CDK13: variants seen among roughly 807,000 people sequenced by gnomAD.
CDK13 encodes cyclin-dependent kinase 13.
A neutral mutation model predicts 137.6 loss-of-function variants in CDK13; 40 were observed. The observed-to-expected ratio is 0.29, with a 90% CI of 0.23 to 0.38. CDK13 has a LOEUF of 0.38. Among genes scored for constraint, CDK13 ranks in the 10% least tolerant of loss-of-function variants. The pLI is 1.00. For synonymous variants in CDK13, 869 were observed against 760.1 expected (o/e 1.14, Z -2.36); for missense variants, 1,704 against 1,951.8 (o/e 0.87, Z 2.39).
intron 9 of CDK13, among the ~76,000 whole-genome samples, chr7:40,076,987 CAGTT>C (rs1562762520): frequency 1.3e-5 from 2 of 150,284 alleles, no homozygotes; most frequent in African/African-American, 4.9e-5. Flanking sequence ...ATTACTAAAT[CAGTT>C]AGTTTTTAAA....
intron 7 of CDK13, among the ~76,000 whole-genome samples, chr7:40,059,460 A>G (rs1786093020): frequency 6.6e-6 from 1 of 152,202 alleles, no homozygotes; most frequent in South Asian, 2.1e-4. Context: ...CCAGGGTTTA[A>G]GCAATTCTCT....
chr7:40,008,376 A>G (rs548817367), intron 5 of CDK13, among the ~76,000 whole-genome samples: 1 of 152,342 alleles, frequency 6.6e-6, no homozygotes, highest in African/African-American at 2.4e-5. Flanking sequence ...AATAATGTCC[A>G]TCTAAATACT....
intron 7 of CDK13, among the ~76,000 whole-genome samples, chr7:40,056,423 G>T (rs1786021392): frequency 6.6e-6 from 1 of 151,978 alleles, no homozygotes. Context: ...TCTCTCCCTG[G>T]CTTTATCCCC....
rs1784593411 is a variant in CDK13, at chr7:39,997,647, T to C, written c.2025T>C (p.His675=). ...PEEKKTATQL[H]SKRRPKICGP... ...AAAAGAAAACAGCAACACAGTTACA[T>C]AGTAAAAGGAGGCCTAAGTATGTGC... Residue 675 remains histidine, a synonymous_variant, in exon 3 of 14, where the codon CAT becomes CAC. Transcript: ENST00000181839. 5 of 1,613,272 alleles carry C rather than the reference T, an allele frequency of 3.1e-6. No homozygotes were observed. Among genetic ancestry groups the C allele is most frequent in the South Asian group, 1.1e-5 (1 of 90,904 alleles).
intron 1 of CDK13, among the ~76,000 whole-genome samples, chr7:39,974,863 C>T (rs1053483068): frequency 2.6e-5 from 4 of 152,134 alleles, no homozygotes; most frequent in African/African-American, 9.7e-5. Flanking sequence ...AGTGCCCAGC[C>T]GGAATTCCTT....
At chr7:40,038,173 T>A (rs1403840320) in intron 5 of CDK13, among the ~76,000 whole-genome samples, 2 of 152,190 alleles carry the variant, frequency 1.3e-5, no homozygotes, top group Non-Finnish European at 2.9e-5. Flanking sequence ...CTCCAATGTT[T>A]CTTTTGTACA....
chr7:39,999,378 A>G lies in CDK13; in HGVS notation c.2060A>G (p.Tyr687Cys). ...KRRPKICGPR[Y>C]GETKEKDIDW... ...TTTGATAGAATATGTGGGCCTCGCT[A>G]TGGTGAAACCAAAGAAAAAGATATT... is the stretch of plus-strand genomic sequence containing the variant. Residue 687 changes from tyrosine to cysteine, a missense_variant, in exon 4 of 14, where the codon TAT becomes TGT. Around this residue, in one of 5 missense-constraint regions of CDK13, gnomAD observed 130 missense variants for 362.4 expected, o/e 0.36. Coordinates refer to ENST00000181839, the MANE Select transcript of CDK13 (RefSeq NM_003718.5). 3 of 1,611,466 alleles carry G rather than the reference A, an allele frequency of 1.9e-6. No homozygotes were observed. Among genetic ancestry groups the G allele is most frequent in the Non-Finnish European group, 2.5e-6 (3 of 1,178,890 alleles).
intron 5 of CDK13, among the ~76,000 whole-genome samples, chr7:40,020,479 C>T (rs1289597046): frequency 6.6e-6 from 1 of 152,168 alleles, no homozygotes; most frequent in Non-Finnish European, 1.5e-5. Flanking sequence ...CTCTTCCTTT[C>T]CCTCCTGCTG....
At chr7:40,092,723 G>A (rs1249620143) in intron 12 of CDK13, 62 bp from the exon 13 acceptor site, 1 of 1,184,222 alleles carries the variant, frequency 8.4e-7, no homozygotes, top group South Asian at 1.3e-5. Flanking sequence ...GAGCCATTTT[G>A]GTGTGGGAGT....
intron 3 of CDK13, chr7:39,998,005 A>T (rs1169428122): frequency 1.1e-5 from 2 of 180,592 alleles, no homozygotes; most frequent in East Asian, 3.4e-4. Flanking sequence ...GACCAAATAA[A>T]ATTAGTAATG....
intron 5 of CDK13, among the ~76,000 whole-genome samples, chr7:40,016,882 G>T (rs1212696312): frequency 6.6e-6 from 1 of 151,726 alleles, no homozygotes. Flanking sequence ...AATTATATTT[G>T]GTTTAGTTAA....
chr7:40,063,003 A>G lies in CDK13; in HGVS notation c.2703-20A>G, dbSNP rs1786188930. On this transcript the variant is annotated intron_variant, in intron 8 of 13. Transcript: ENST00000181839. The stretch of plus-strand genomic sequence containing the variant: ...AATTAAAATAGATCATTTGGTAATG[A>G]CGGGTATTTTTTCCATTAGCTGTAT... The G allele has an allele frequency of 6.2e-7, 1 of 1,610,998 alleles. No individual in the cohort carries two copies. The highest frequency in any genetic ancestry group is 8.5e-7 in the Non-Finnish European group (1 of 1,177,222).
Position 39,950,489 on chromosome 7 carries a change from A to C in CDK13, c.-153A>C. On this transcript the variant is annotated 5_prime_UTR_variant, in exon 1 of 14. Transcript: ENST00000181839. ...CTGTGACCTGGAACCCAGGGACCCGAGTCCCGACCCGGATTATCGTGGCGC... is the reference window on the plus strand; with the variant it reads ...CTGTGACCTGGAACCCAGGGACCCGCGTCCCGACCCGGATTATCGTGGCGC... 1 of 1,260,376 alleles carries C rather than the reference A, an allele frequency of 7.9e-7. No individual in the cohort carries two copies. The highest frequency in any genetic ancestry group is 1.0e-6 in the Non-Finnish European group (1 of 1,003,846). 78.1% of individuals were successfully genotyped at this position (1,260,376 alleles called of 1,614,324 possible). A position where few individuals can be genotyped will look rare whatever the true frequency, so the allele number is the denominator to read the frequency against.
chr7:39,999,317 A>G (rs765879083), intron 3 of CDK13, 44 bp from the exon 4 acceptor site: 5 of 1,516,672 alleles, frequency 3.3e-6, no homozygotes, highest in African/African-American at 2.8e-5. Context: ...AGTTTATTCA[A>G]TTTGCTTGAT....
chr7:40,060,911 T>G (rs963821091), intron 7 of CDK13: 14 of 152,012 alleles, frequency 9.2e-5, no homozygotes, highest in Admixed American at 7.9e-4. Flanking sequence ...CTACTAAAAG[T>G]ACAAAAATTA....
chr7:40,013,564 A>T (rs1039674256), intron 5 of CDK13, among the ~76,000 whole-genome samples: 4 of 152,224 alleles, frequency 2.6e-5, no homozygotes, highest in Non-Finnish European at 5.9e-5. Context: ...ATAGGTGCCA[A>T]ATATTATCAG....
In CDK13 at chr7:39,950,419, C is replaced by T; in HGVS notation, c.-223C>T. On this transcript the variant is annotated 5_prime_UTR_variant, in exon 1 of 14. Coordinates refer to ENST00000181839, the MANE Select transcript of CDK13 (RefSeq NM_003718.5). ...CGAGCGCAATCGGGAGCTCCGCCGCCCGGATTCCTGCTTCCCTGGGGCCCG... is the reference window on the plus strand; with the variant it reads ...CGAGCGCAATCGGGAGCTCCGCCGCTCGGATTCCTGCTTCCCTGGGGCCCG... 8.1e-7 allele frequency: 1 copy of T among 1,233,146 alleles called. No individual in the cohort carries two copies. The highest frequency in any genetic ancestry group is 3.1e-4 in the Middle Eastern group (1 of 3,214). The allele number at this position is 1,233,146 out of a possible 1,614,324, so 76.4% of individuals were successfully genotyped here.
intron 1 of CDK13, among the ~76,000 whole-genome samples, chr7:39,955,915 C>G (rs1391205323): frequency 6.6e-6 from 1 of 151,172 alleles, no homozygotes; most frequent in Non-Finnish European, 1.5e-5. Context: ...TCCATTCCAC[C>G]AAGAAGCACA....
intron 1 of CDK13, chr7:39,987,034 C>T (rs534503445): frequency 6.6e-6 from 1 of 152,356 alleles, no homozygotes; most frequent in East Asian, 1.9e-4. Flanking sequence ...TCGTGATCCG[C>T]CCGCCTTGGC....
Sources: allele counts gnomAD v4.1 joint callset (sites outside exome capture counted in the v4.1 genomes callset), GRCh38; gene constraint gnomAD v4.1.1; regional missense constraint gnomAD v4.1.1; transcripts MANE v1.5; gene names NCBI Gene and HGNC (gene_info 2026-07-23, HGNC 2026-07-21).